The following SLC4A5 variants were observed in gnomAD, a reference collection of about 807,000 sequenced individuals.
SLC4A5 encodes the protein solute carrier family 4 member 5, also known as electrogenic sodium bicarbonate cotransporter 4.
Under a neutral mutation model 120.4 loss-of-function variants are expected in SLC4A5, and 96 were observed. The observed-to-expected ratio is 0.80, with a 90% confidence interval of 0.68 to 0.94. The LOEUF (loss-of-function observed/expected upper bound fraction) is 0.94. Among genes scored for constraint, SLC4A5 ranks in the 40% least tolerant of loss-of-function variants. The probability of loss-of-function intolerance (pLI) is 0.00; values close to 1 mark genes in which losing one functional copy is unlikely to be tolerated. For synonymous variants in SLC4A5, 550 were observed against 571.1 expected (o/e 0.96, Z 0.53); for missense variants, 1,259 against 1,459.5 (o/e 0.86, Z 2.24).
At chr2:74,295,881 G>A (rs1009772167) in intron 7 of SLC4A5, among the ~76,000 whole-genome samples, 1 of 152,188 alleles carries the variant, frequency 6.6e-6, no homozygotes, top group Non-Finnish European at 1.5e-5. Flanking sequence ...CAGGGACTTG[G>A]AGCCAGGGCA....
intron 25 of SLC4A5, among the ~76,000 whole-genome samples, chr2:74,229,517 A>G (rs1008001675): frequency 3.9e-5 from 6 of 152,090 alleles, no homozygotes; most frequent in Admixed American, 3.9e-4. Context: ...CGGCCTCCCA[A>G]AGTGCTGGGA....
chr2:74,245,791 A>G (rs946656290), intron 19 of SLC4A5, among the ~76,000 whole-genome samples: 2 of 152,126 alleles, frequency 1.3e-5, no homozygotes, highest in African/African-American at 2.4e-5. Context: ...AATATTTTCG[A>G]TTGACTTATG....
At position 74,257,472 on chromosome 2, in the gene SLC4A5, G is replaced by A. The variant is rs889397859; in HGVS notation, c.868-1540C>T. 6.8e-4 allele frequency among the ~76,000 whole-genome samples: 103 copies of A among 152,292 alleles called. 1 individual carries two copies. Among genetic ancestry groups the A allele is most frequent in the Non-Finnish European group, 1.3e-4 (9 of 68,016 alleles). On this transcript the variant is annotated intron_variant, in intron 12 of 30. Transcript: ENST00000394019. ...TCTCCGAGCATCAGGCAGGGAGGGG[G>A]TCCAGGGAAGGGGAGGAGATACGGG... is the stretch of plus-strand genomic sequence containing the variant.
rs1672168811 is a variant in SLC4A5, at chr2:74,291,416, G to C, written c.272-5514C>G. Among the ~76,000 whole-genome samples, 2 of 152,214 alleles carry C rather than the reference G, an allele frequency of 1.3e-5. 1 individual carries two copies. Among genetic ancestry groups the C allele is most frequent in the South Asian group, 4.1e-4 (2 of 4,832 alleles). On this transcript the variant is annotated intron_variant, in intron 7 of 30. Transcript: ENST00000394019. ...AACCCTGAATTCACTAAGTCTTAGAGCTGGGAGGGAGCTTAGTGATGGTCA... is the reference window on the plus strand; with the variant it reads ...AACCCTGAATTCACTAAGTCTTAGACCTGGGAGGGAGCTTAGTGATGGTCA...
intron 11 of SLC4A5, among the ~76,000 whole-genome samples, chr2:74,260,244 C>A (rs1302584221): frequency 1.3e-5 from 2 of 152,228 alleles, no homozygotes; most frequent in Non-Finnish European, 2.9e-5. Context: ...CACCCTCAGA[C>A]CTATCGTGTC....
At chr2:74,219,730 T>G (rs1694564472) in intron 30 of SLC4A5, among the ~76,000 whole-genome samples, 1 of 152,206 alleles carries the variant, frequency 6.6e-6, no homozygotes, top group Non-Finnish European at 1.5e-5. Flanking sequence ...ATGTAGATTA[T>G]TTTATAAATG....
intron 11 of SLC4A5, among the ~76,000 whole-genome samples, chr2:74,261,768 A>G (rs1249711105): frequency 1.3e-5 from 2 of 152,206 alleles, no homozygotes; most frequent in Non-Finnish European, 1.5e-5. Context: ...AACTGAAGGA[A>G]AGGACCTTGC....
intron 5 of SLC4A5, among the ~76,000 whole-genome samples, chr2:74,316,398 A>C (rs866600833): frequency 7.3e-5 from 11 of 151,308 alleles, no homozygotes; most frequent in South Asian, 6.3e-4. Context: ...AACTGAACAG[A>C]CTCCCTCTTG....
exon 31 of SLC4A5, chr2:74,217,886 T>C (rs1694492984): frequency 3.3e-5 from 5 of 152,326 alleles, no homozygotes; most frequent in South Asian, 2.1e-4. Context: ...TCACTGCAAC[T>C]TCTGCCTCCT....
intron 25 of SLC4A5, among the ~76,000 whole-genome samples, chr2:74,228,955 C>A (rs1162555497): frequency 1.3e-5 from 2 of 152,132 alleles, no homozygotes; most frequent in East Asian, 3.9e-4. Flanking sequence ...CTCTCTTTCA[C>A]CTGCAGCTGT....
At chr2:74,270,939 T>C (rs911583579) in intron 8 of SLC4A5, among the ~76,000 whole-genome samples, 2 of 152,218 alleles carry the variant, frequency 1.3e-5, no homozygotes, top group African/African-American at 4.8e-5. Flanking sequence ...GAACACTAGC[T>C]GAAAGGGTCT....
intron 15 of SLC4A5, 26 bp downstream of exon 15, chr2:74,252,948 T>C: frequency 6.2e-7 from 1 of 1,613,416 alleles, no homozygotes; most frequent in Admixed American, 1.7e-5. Flanking sequence ...CCTTTTTCTC[T>C]CCCTACTGCC....
intron 6 of SLC4A5, chr2:74,307,276 T>C: frequency 1.9e-6 from 1 of 521,602 alleles, no homozygotes; most frequent in Non-Finnish European, 3.6e-6. Context: ...TCTGCCATGA[T>C]CTTATCAACG....
rs10601390 is a variant in SLC4A5 at position 74,303,016 on chromosome 2, CTGTGTG to C, written c.271+1467_271+1472del. Among the ~76,000 whole-genome samples the C allele has an allele frequency of 4.0e-3, 573 of 145,040 alleles. 7 individuals carry two copies. Among genetic ancestry groups the C allele is most frequent in the African/African-American group, 0.012 (457 of 39,584 alleles). On this transcript the variant is annotated intron_variant, in intron 7 of 30. Transcript: ENST00000394019. ...CTGATGTTCCCACTCCTGAGCAGGA[CTGTGTG>C]TGTGTGTGTGTGTGTGTGTGTGTGC...
chr2:74,285,046 A>G (rs574404449), intron 8 of SLC4A5, among the ~76,000 whole-genome samples: 6 of 152,272 alleles, frequency 3.9e-5, no homozygotes, highest in Non-Finnish European at 8.8e-5. Context: ...ATATTAAAGA[A>G]CATCCTGGGT....
At chr2:74,316,740 T>A (rs763331740) in intron 5 of SLC4A5, among the ~76,000 whole-genome samples, 5 of 152,194 alleles carry the variant, frequency 3.3e-5, no homozygotes, top group Non-Finnish European at 5.9e-5. Context: ...TTAGAACAAT[T>A]TGCAGCACAT....
intron 7 of SLC4A5, among the ~76,000 whole-genome samples, chr2:74,300,786 T>G (rs553588717): frequency 6.6e-6 from 1 of 152,306 alleles, no homozygotes; most frequent in Admixed American, 6.5e-5. Flanking sequence ...GAGAGCAACT[T>G]TGCAGCAAGG....
chr2:74,312,793 C>T (rs935870440), intron 6 of SLC4A5, among the ~76,000 whole-genome samples: 5 of 151,930 alleles, frequency 3.3e-5, no homozygotes, highest in East Asian at 1.9e-4. Context: ...AATAAACCAG[C>T]GTGGTGGTGG....
rs781628330 is a variant in SLC4A5 at position 74,248,489 on chromosome 2, G to A, written c.1654-3C>T. ...CCCAGGAAGCTCTCCATCACTCCCT[G>A]GGGGCACAAGGAATGTGTGGTTCAG... On this transcript the variant is annotated splice_region_variant and splice_polypyrimidine_tract_variant and intron_variant, in intron 17 of 30. Coordinates refer to ENST00000394019, the Ensembl canonical transcript of SLC4A5. 2 of 1,613,718 alleles carry A rather than the reference G, an allele frequency of 1.2e-6. No homozygotes were observed. The highest frequency in any genetic ancestry group is 2.7e-5 in the African/African-American group (2 of 74,904).
Sources: allele counts gnomAD v4.1 joint callset (sites outside exome capture counted in the v4.1 genomes callset), GRCh38; gene constraint gnomAD v4.1.1; transcripts MANE v1.5; gene names NCBI Gene and HGNC (gene_info 2026-07-23, HGNC 2026-07-21).